OTOGL: variants seen among roughly 807,000 people sequenced by gnomAD.
OTOGL encodes the protein otogelin like, also known as otogelin-like protein.
Under a neutral mutation model 318.5 loss-of-function variants are expected in OTOGL, and 285 were observed. The ratio of observed to expected loss-of-function variants is 0.89; its 90% CI spans 0.81 to 0.99. OTOGL has a LOEUF of 0.99. Among genes scored for constraint, OTOGL ranks in the 50% least tolerant of loss-of-function variants. The pLI, the probability that OTOGL is intolerant of heterozygous loss-of-function variation, is 0.00. For synonymous variants in OTOGL, 987 were observed against 936.5 expected (o/e 1.05, Z -0.99); for missense variants, 2,899 against 2,845.6 (o/e 1.02, Z -0.43).
At chr12:80,158,162 A>C (rs971436588) in intron 1 of OTOGL, among the ~76,000 whole-genome samples, 1 of 152,140 alleles carries the variant, frequency 6.6e-6, no homozygotes, top group African/African-American at 2.4e-5. Context: ...AAAAAACAAC[A>C]GTGTTTTAAA....
intron 26 of OTOGL, among the ~76,000 whole-genome samples, chr12:80,293,777 G>C (rs1885203706): frequency 6.6e-6 from 1 of 151,980 alleles, no homozygotes; most frequent in South Asian, 2.1e-4. Flanking sequence ...AAATTTGAGA[G>C]AGAATTGACT....
chr12:80,335,876 C>A, intron 38 of OTOGL, 87 bp from the exon 39 acceptor site: 2 of 1,233,008 alleles, frequency 1.6e-6, no homozygotes, highest in South Asian at 1.9e-5. Flanking sequence ...AAATGTACAC[C>A]ATGGGCAATA....
intron 27 of OTOGL, among the ~76,000 whole-genome samples, chr12:80,299,467 T>A (rs1885614196): frequency 6.6e-6 from 1 of 152,168 alleles, no homozygotes; most frequent in Non-Finnish European, 1.5e-5. Flanking sequence ...CTCCTTTATA[T>A]AAACTGTATG....
At chr12:80,215,353 G>T (rs753580313) in intron 4 of OTOGL, among the ~76,000 whole-genome samples, 14 of 152,006 alleles carry the variant, frequency 9.2e-5, no homozygotes, top group Non-Finnish European at 1.8e-4. Flanking sequence ...TTTTAGTAGA[G>T]ATGGGGTTTC....
chr12:80,355,949 G>A lies in OTOGL; in HGVS notation c.5806+1G>A, dbSNP rs776718860. On this transcript the variant is annotated splice_donor_variant, in intron 47 of 58. Coordinates refer to ENST00000547103, the MANE Select transcript of OTOGL (RefSeq NM_001378609.3). LOFTEE classifies it high-confidence loss of function. ...ACCTGCTGTTCAAAGGAAGTTTGTG[G>A]TATGTATGCAGAAGCCTTATAGTCA... 8 of 1,613,478 alleles carry A rather than the reference G, an allele frequency of 5.0e-6. No homozygotes were observed. Among genetic ancestry groups the A allele is most frequent in the Non-Finnish European group, 6.8e-6 (8 of 1,179,484 alleles).
intron 1 of OTOGL, among the ~76,000 whole-genome samples, chr12:80,174,694 T>C (rs1277971306): frequency 6.6e-6 from 1 of 152,336 alleles, no homozygotes; most frequent in African/African-American, 2.4e-5. Flanking sequence ...AGCTTAATCT[T>C]GGAAGATATC....
chr12:80,180,394 A>G (rs949460203), intron 1 of OTOGL, among the ~76,000 whole-genome samples: 15 of 152,174 alleles, frequency 9.9e-5, no homozygotes, highest in Admixed American at 4.6e-4. Context: ...AGCTGAGGAG[A>G]GCAATTTTTA....
chr12:80,121,330 AC>A (rs960993062), intron 1 of OTOGL, among the ~76,000 whole-genome samples: 2 of 152,160 alleles, frequency 1.3e-5, no homozygotes, highest in African/African-American at 4.8e-5. Flanking sequence ...TTAAGACAAG[AC>A]TACAAAGGCT....
intron 27 of OTOGL, among the ~76,000 whole-genome samples, chr12:80,297,331 C>CT (rs5799464): frequency 0.042 from 5,910 of 140,488 alleles, 411 homozygotes; most frequent in African/African-American, 0.14. Flanking sequence ...TTGTATATGT[C>CT]TTTTTTTTTT....
chr12:80,308,739 C>T (rs1014441158), intron 29 of OTOGL, among the ~76,000 whole-genome samples: 7 of 152,202 alleles, frequency 4.6e-5, no homozygotes, highest in African/African-American at 1.7e-4. Context: ...CCGAGGCTGG[C>T]GGATCACTCG....
At chr12:80,279,300 T>G (rs909272037) in intron 26 of OTOGL, 134 bp downstream of exon 26, 36 of 969,748 alleles carry the variant, frequency 3.7e-5, no homozygotes, top group Non-Finnish European at 5.1e-5. Context: ...TATTTTCAAC[T>G]TTTATTTCAG....
chr12:80,267,402 T>C, intron 22 of OTOGL, 75 bp downstream of exon 22: 1 of 693,234 alleles, frequency 1.4e-6, no homozygotes, highest in Non-Finnish European at 2.0e-6. Flanking sequence ...TATATATATA[T>C]ATATATTTTT....
At chr12:80,307,862 G>C (rs1223416566) in intron 29 of OTOGL, among the ~76,000 whole-genome samples, 1 of 141,442 alleles carries the variant, frequency 7.1e-6, no homozygotes, top group African/African-American at 2.9e-5. Context: ...CTGGCCGGGC[G>C]GGGGGCTGAC....
Position 80,377,990 on chromosome 12 carries a change from G to A in OTOGL, c.7004G>A (p.Gly2335Asp). 1 of 1,601,872 alleles carries A rather than the reference G, an allele frequency of 6.2e-7. No homozygotes were observed. The highest frequency in any genetic ancestry group is 8.5e-7 in the Non-Finnish European group (1 of 1,173,190). ...GTGCCTCTGTATTGCTCAGGAAATGGCACTGAAATTATGTACACTCTCCAG... is the reference window on the plus strand; with the variant it reads ...GTGCCTCTGTATTGCTCAGGAAATGACACTGAAATTATGTACACTCTCCAG... ...LSVPLYCSGN[G>D]TEIMYTLQEP... Residue 2335 changes from glycine to aspartate, a missense_variant, in exon 59 of 59, where the codon GGC (glycine) becomes GAC (aspartate). Around this residue, in one of 3 missense-constraint regions of OTOGL, gnomAD observed 289 missense variants for 304.6 expected, o/e 0.95. Coordinates refer to ENST00000547103, the MANE Select transcript of OTOGL (RefSeq NM_001378609.3).
At chr12:80,367,437 C>A in intron 53 of OTOGL, 124 bp from the exon 54 acceptor site, 1 of 613,930 alleles carries the variant, frequency 1.6e-6, no homozygotes, top group South Asian at 3.0e-5. Context: ...ATATGAAGAT[C>A]TTCATTAGTT....
chr12:80,374,503 C>T (rs1891073052), intron 57 of OTOGL, among the ~76,000 whole-genome samples: 1 of 152,130 alleles, frequency 6.6e-6, no homozygotes, highest in Non-Finnish European at 1.5e-5. Context: ...TGATTAAAAA[C>T]ATTCTGTTCA....
At chr12:80,153,145 C>T (rs552282487) in intron 1 of OTOGL, among the ~76,000 whole-genome samples, 15 of 152,286 alleles carry the variant, frequency 9.8e-5, no homozygotes, top group African/African-American at 3.4e-4. Context: ...TATAGTACGG[C>T]CTTATCAACA....
At chr12:80,160,824 G>T (rs1198826264) in intron 1 of OTOGL, among the ~76,000 whole-genome samples, 1 of 152,164 alleles carries the variant, frequency 6.6e-6, no homozygotes, top group Non-Finnish European at 1.5e-5. Context: ...CAGAAGTATG[G>T]AACCAGGCCA....
At position 80,204,056 on chromosome 12, in the gene OTOGL, C is replaced by G. The variant is rs565282177; in HGVS notation, c.-19-5357C>G. 3.5e-3 allele frequency among the ~76,000 whole-genome samples: 535 copies of G among 152,220 alleles called. 7 individuals carry two copies. Among genetic ancestry groups the G allele is most frequent in the African/African-American group, 0.012 (511 of 41,540 alleles). On this transcript the variant is annotated intron_variant, in intron 1 of 58. Coordinates refer to ENST00000547103, the MANE Select transcript of OTOGL (RefSeq NM_001378609.3). The stretch of plus-strand genomic sequence containing the variant: ...TGCAGCTTTTGGGAGATAATGATAA[C>G]AATTTTGCATGTAACTCAGTAAGAC...
Sources: allele counts gnomAD v4.1 joint callset (sites outside exome capture counted in the v4.1 genomes callset), GRCh38; gene constraint gnomAD v4.1.1; regional missense constraint gnomAD v4.1.1; transcripts MANE v1.5; gene names NCBI Gene and HGNC (gene_info 2026-07-23, HGNC 2026-07-21).